TMEM132C: variants seen among roughly 807,000 people sequenced by gnomAD.
TMEM132C encodes transmembrane protein 132C, also known as protein phosphatase 1, regulatory subunit 152.
TMEM132C carries 29 observed loss-of-function variants against 61.4 expected under a neutral mutation model. The observed-to-expected ratio is 0.47, with a 90% CI of 0.35 to 0.64. The LOEUF (loss-of-function observed/expected upper bound fraction) is 0.64. TMEM132C is among the 30% of genes least tolerant of loss of function. TMEM132C has a pLI of 0.00. For synonymous variants in TMEM132C, 656 were observed against 633.1 expected, an observed-to-expected ratio of 1.04 and a Z score of -0.54; for missense variants, 1,408 against 1,476.9, an observed-to-expected ratio of 0.95 and a Z score of 0.76.
At chr12:128,659,947 G>A (rs1489621802) in intron 4 of TMEM132C, among the ~76,000 whole-genome samples, 10 of 152,206 alleles carry the variant, frequency 6.6e-5, no homozygotes, top group Admixed American at 6.5e-4. Flanking sequence ...CTCACTTGGG[G>A]TTCATATCTC....
chr12:128,622,266 C>T (rs1953969182), intron 4 of TMEM132C, among the ~76,000 whole-genome samples: 1 of 144,192 alleles, frequency 6.9e-6, no homozygotes, highest in Non-Finnish European at 1.5e-5. Context: ...ATCACTTGAG[C>T]TTGGGAGGCG....
At chr12:128,299,674 T>C (rs1043868047) in intron 1 of TMEM132C, among the ~76,000 whole-genome samples, 1 of 152,174 alleles carries the variant, frequency 6.6e-6, no homozygotes, top group Non-Finnish European at 1.5e-5. Flanking sequence ...TGGTAGAAGG[T>C]TGGAGAGAAT....
At position 128,705,294 on chromosome 12, in the gene TMEM132C, G is replaced by A. The variant is rs985061554; in HGVS notation, c.2326G>A (p.Ala776Thr). The A allele has an allele frequency of 7.1e-6, 11 of 1,551,374 alleles. No homozygotes were observed. Among genetic ancestry groups the A allele is most frequent in the Non-Finnish European group, 9.6e-6 (11 of 1,146,822 alleles). ...GPLIRVDMTIAEACQKSKRKS... is the reference protein window; with the variant it reads ...GPLIRVDMTITEACQKSKRKS... ...ACTGATCCGAGTGGACATGACGATC[G>A]CCGAGGCCTGCCAGAAATCTAAACG... Residue 776 changes from alanine to threonine, a missense_variant, in exon 9 of 9, where the codon GCC becomes ACC. By Grantham distance (58) the Ala-to-Thr change is moderately conservative. Coordinates refer to ENST00000435159, the MANE Select transcript of TMEM132C (RefSeq NM_001136103.3).
At chr12:128,291,010 TGA>T (rs1871230784) in intron 1 of TMEM132C, among the ~76,000 whole-genome samples, 1 of 152,138 alleles carries the variant, frequency 6.6e-6, no homozygotes, top group Non-Finnish European at 1.5e-5. Context: ...TTTTCCACAA[TGA>T]AAGCCACTGA....
chr12:128,459,601 G>A (rs1870462142), intron 2 of TMEM132C, among the ~76,000 whole-genome samples: 2 of 152,022 alleles, frequency 1.3e-5, no homozygotes, highest in Admixed American at 6.6e-5. Flanking sequence ...GGTAATGAAT[G>A]CTCTCTTGGG....
intron 4 of TMEM132C, among the ~76,000 whole-genome samples, chr12:128,638,423 C>G (rs1237522028): frequency 1.3e-5 from 2 of 152,178 alleles, no homozygotes; most frequent in Non-Finnish European, 2.9e-5. Context: ...TTGCTGAACC[C>G]TATTGAGTTT....
chr12:128,687,201 C>CAAAAAAA (rs55934804), intron 5 of TMEM132C, among the ~76,000 whole-genome samples: 5 of 114,444 alleles, frequency 4.4e-5, no homozygotes, highest in Non-Finnish European at 5.1e-5. Context: ...GACTCTGTCT[C>CAAAAAAA]AAAAAAAAAA....
At chr12:128,522,153 G>A (rs1872926501) in intron 2 of TMEM132C, among the ~76,000 whole-genome samples, 1 of 152,132 alleles carries the variant, frequency 6.6e-6, no homozygotes, top group African/African-American at 2.4e-5. Context: ...CAAGAACGCT[G>A]GGGTGTATGT....
At position 128,355,775 on chromosome 12, in the gene TMEM132C, C is replaced by A. The variant is rs181039694; in HGVS notation, c.86-58957C>A. Among the ~76,000 whole-genome samples, 313 of 152,144 alleles carry A rather than the reference C, an allele frequency of 2.1e-3. 1 individual carries two copies. Among genetic ancestry groups the A allele is most frequent in the African/African-American group, 7.3e-3 (304 of 41,498 alleles). Reference sequence around the variant, plus strand: ...GGGCCTTTGCACATCCCTGTCCTTGCCTGCAAAGTGCTCCCCTCCCACATC... The same window carrying A: ...GGGCCTTTGCACATCCCTGTCCTTGACTGCAAAGTGCTCCCCTCCCACATC... On this transcript the variant is annotated intron_variant, in intron 1 of 8. Transcript: ENST00000435159.
At chr12:128,270,446 A>G (rs1032224823) in intron 1 of TMEM132C, among the ~76,000 whole-genome samples, 6 of 152,226 alleles carry the variant, frequency 3.9e-5, no homozygotes, top group African/African-American at 1.2e-4. Context: ...AAGACCCCAA[A>G]TAGCTTGACT....
At chr12:128,298,467 G>GCC (rs1275709002) in intron 1 of TMEM132C, among the ~76,000 whole-genome samples, 2 of 151,982 alleles carry the variant, frequency 1.3e-5, no homozygotes, top group African/African-American at 4.8e-5. Context: ...AAATAGTACA[G>GCC]AGAGCCCCAA....
At chr12:128,285,497 G>A (rs1566042131) in intron 1 of TMEM132C, among the ~76,000 whole-genome samples, 2 of 152,128 alleles carry the variant, frequency 1.3e-5, no homozygotes, top group African/African-American at 2.4e-5. Context: ...TTAAACACAA[G>A]TAACAGGTTA....
At chr12:128,387,395 C>G (rs978383370) in intron 1 of TMEM132C, among the ~76,000 whole-genome samples, 2 of 152,214 alleles carry the variant, frequency 1.3e-5, no homozygotes, top group Non-Finnish European at 2.9e-5. Flanking sequence ...CTTGGGAAAC[C>G]TGTGCCTGGG....
chr12:128,395,259 TTA>T (rs1874909637), intron 1 of TMEM132C, among the ~76,000 whole-genome samples: 1 of 150,924 alleles, frequency 6.6e-6, no homozygotes, highest in Non-Finnish European at 1.5e-5. Flanking sequence ...AACTATACTA[TTA>T]TATATAACTA....
chr12:128,481,212 G>A (rs1276116423), intron 2 of TMEM132C, among the ~76,000 whole-genome samples: 1 of 152,230 alleles, frequency 6.6e-6, no homozygotes, highest in African/African-American at 2.4e-5. Context: ...GTGACACCTT[G>A]TAAGGGTACA....
chr12:128,454,297 C>T (rs184972749), intron 2 of TMEM132C, among the ~76,000 whole-genome samples: 17 of 152,268 alleles, frequency 1.1e-4, no homozygotes, highest in Middle Eastern at 6.8e-3. Context: ...TTCAAAGTTA[C>T]GGAAAATACT....
intron 2 of TMEM132C, among the ~76,000 whole-genome samples, chr12:128,477,325 AG>A (rs1311853994): frequency 1.3e-5 from 2 of 152,180 alleles, no homozygotes; most frequent in African/African-American, 4.8e-5. Context: ...TTATAGCAAT[AG>A]CAGAGAAGAA....
At chr12:128,422,509 T>C (rs909888239) in intron 2 of TMEM132C, among the ~76,000 whole-genome samples, 2 of 152,200 alleles carry the variant, frequency 1.3e-5, no homozygotes, top group African/African-American at 4.8e-5. Context: ...AGATTTGTTC[T>C]CTACTTGTAA....
At chr12:128,293,622 G>A (rs1361467009) in intron 1 of TMEM132C, among the ~76,000 whole-genome samples, 1 of 152,094 alleles carries the variant, frequency 6.6e-6, no homozygotes, top group Non-Finnish European at 1.5e-5. Flanking sequence ...GGGAAAAACA[G>A]CCTCTCTTTG....
Sources: allele counts gnomAD v4.1 joint callset (sites outside exome capture counted in the v4.1 genomes callset), GRCh38; gene constraint gnomAD v4.1.1; transcripts MANE v1.5; gene names NCBI Gene and HGNC (gene_info 2026-07-23, HGNC 2026-07-21).